PPP2R2D: variants seen among roughly 807,000 people sequenced by gnomAD.
PPP2R2D encodes the protein serine/threonine-protein phosphatase 2A 55 kDa regulatory subunit B delta isoform.
Under a neutral mutation model 31.1 loss-of-function variants are expected in PPP2R2D, and 9 were observed. The observed-to-expected ratio is 0.29, with a 90% CI of 0.17 to 0.51. The LOEUF is 0.51. Among genes scored for constraint, PPP2R2D ranks in the 20% least tolerant of loss-of-function variants. PPP2R2D has a pLI of 0.98. For missense variants in PPP2R2D, 391 were observed against 465.6 expected (o/e 0.84, Z 1.48); for synonymous variants, 179 against 172.6 (o/e 1.04, Z -0.29).
chr10:131,905,271 G>T (rs1355175275), intron 2 of PPP2R2D, among the ~76,000 whole-genome samples: 5 of 152,202 alleles, frequency 3.3e-5, no homozygotes, highest in African/African-American at 1.2e-4. Flanking sequence ...GAAGCAAGTA[G>T]AAAAGTTGTT....
downstream of PPP2R2D, among the ~76,000 whole-genome samples, chr10:131,964,582 TG>T (rs1171889611): frequency 7.2e-5 from 11 of 152,000 alleles, no homozygotes; most frequent in Non-Finnish European, 1.5e-4. Context: ...TGTCATTACG[TG>T]TAACATCACA....
At chr10:131,917,633 TCAGGCGGGTGGAATGACACAG>T (rs2035841312) in intron 2 of PPP2R2D, among the ~76,000 whole-genome samples, 1 of 120,358 alleles carries the variant, frequency 8.3e-6, no homozygotes, top group African/African-American at 3.3e-5. Context: ...TGTAGGGACC[TCAGGCGGGTGGAATGACACAG>T]TGTAGGGACC....
chr10:131,927,314 G>A (rs1441905321), intron 2 of PPP2R2D, among the ~76,000 whole-genome samples: 1 of 152,144 alleles, frequency 6.6e-6, no homozygotes, highest in Non-Finnish European at 1.5e-5. Flanking sequence ...ACAACAGAGA[G>A]CCCCCATGGA....
At chr10:131,910,965 T>G (rs1330484838) in intron 2 of PPP2R2D, among the ~76,000 whole-genome samples, 1 of 152,180 alleles carries the variant, frequency 6.6e-6, no homozygotes, top group Non-Finnish European at 1.5e-5. Flanking sequence ...GGGAGCTCTG[T>G]GTCTCAGCCC....
At chr10:131,953,144 C>T (rs1306240181) in intron 8 of PPP2R2D, among the ~76,000 whole-genome samples, 3 of 82,490 alleles carry the variant, frequency 3.6e-5, no homozygotes, top group African/African-American at 1.0e-4. Context: ...TGCAGGTTTG[C>T]GGGGGTTCAC....
chr10:131,917,416 T>G (rs1296683110), intron 2 of PPP2R2D, among the ~76,000 whole-genome samples: 2 of 86,206 alleles, frequency 2.3e-5, no homozygotes, highest in Admixed American at 1.4e-4. Flanking sequence ...ATGACAGTGT[T>G]TGTAGGGACC....
At chr10:131,942,975 A>G (rs1370613140) in intron 5 of PPP2R2D, among the ~76,000 whole-genome samples, 1 of 152,228 alleles carries the variant, frequency 6.6e-6, no homozygotes, top group Non-Finnish European at 1.5e-5. Context: ...TCAGCCAGAC[A>G]AGACTCAGTT....
chr10:131,906,870 G>A (rs2035596362), intron 2 of PPP2R2D, among the ~76,000 whole-genome samples: 1 of 151,972 alleles, frequency 6.6e-6, no homozygotes, highest in South Asian at 2.1e-4. Flanking sequence ...GAGCCAGGGA[G>A]GTTGAGGCTG....
intron 2 of PPP2R2D, among the ~76,000 whole-genome samples, chr10:131,932,560 A>G (rs1182437723): frequency 2.0e-5 from 3 of 148,100 alleles, no homozygotes; most frequent in Non-Finnish European, 4.4e-5. Context: ...CCGGCGACGC[A>G]GGAGGCTGAG....
intron 3 of PPP2R2D, 171 bp from the exon 4 acceptor site, chr10:131,939,860 A>G (rs1364645318): frequency 2.5e-6 from 1 of 398,452 alleles, no homozygotes; most frequent in Non-Finnish European, 4.5e-6. Flanking sequence ...TCGGAAATCA[A>G]GTTCGTTCTT....
At chr10:131,924,014 C>G (rs568435004) in intron 2 of PPP2R2D, among the ~76,000 whole-genome samples, 3 of 152,100 alleles carry the variant, frequency 2.0e-5, no homozygotes, top group Non-Finnish European at 4.4e-5. Context: ...CCACCGTGCC[C>G]GGGCCTTTCT....
intron 2 of PPP2R2D, among the ~76,000 whole-genome samples, chr10:131,923,221 AATGGAGTC>A (rs1554894466): frequency 6.6e-6 from 1 of 152,196 alleles, no homozygotes; most frequent in Admixed American, 6.5e-5. Context: ...GTGTCATGTA[AATGGAGTC>A]ATGGCCCACG....
At chr10:131,926,040 C>T (rs2036098926) in intron 2 of PPP2R2D, among the ~76,000 whole-genome samples, 1 of 152,150 alleles carries the variant, frequency 6.6e-6, no homozygotes, top group South Asian at 2.1e-4. Context: ...AGGCGACTTC[C>T]CCCACCCCAT....
At chr10:131,971,353 C>A in the PPP2R2D span, 1 of 247,178 alleles carries the variant, frequency 4.0e-6, no homozygotes, top group Non-Finnish European at 7.9e-6. Flanking sequence ...ATGAAAACAG[C>A]CGAAAACGGC....
intron 5 of PPP2R2D, among the ~76,000 whole-genome samples, chr10:131,943,430 G>A (rs1187325191): frequency 1.3e-5 from 2 of 152,172 alleles, no homozygotes; most frequent in Non-Finnish European, 2.9e-5. Flanking sequence ...TGCCCATGTA[G>A]CCAGCCCCAG....
In PPP2R2D at chr10:131,959,396, C is replaced by T. The variant is rs976214439; in HGVS notation, c.*3433C>T. 1.4e-5 allele frequency: 2 copies of T among 144,924 alleles called. No individual in the cohort carries two copies. Among genetic ancestry groups the T allele is most frequent in the African/African-American group, 5.3e-5 (2 of 37,942 alleles). The allele number at this position is 144,924 out of a possible 1,614,324, so 9.0% of individuals were successfully genotyped here. ...AGGCGTGTGCTGATCCGCCATCCCA[C>T]TGTGGAGATGAAGGTGTGTGCTGAT... is the stretch of plus-strand genomic sequence containing the variant. On this transcript the variant is annotated 3_prime_UTR_variant, in exon 9 of 9. Coordinates refer to ENST00000455566, the MANE Select transcript of PPP2R2D (RefSeq NM_018461.5).
intron 3 of PPP2R2D, among the ~76,000 whole-genome samples, chr10:131,936,472 T>A (rs1554896507): frequency 6.6e-6 from 1 of 152,210 alleles, no homozygotes; most frequent in East Asian, 1.9e-4. Flanking sequence ...AACAAATTGT[T>A]GAGTCATGGC....
intron 3 of PPP2R2D, among the ~76,000 whole-genome samples, chr10:131,938,737 C>T (rs770389246): frequency 3.3e-5 from 5 of 152,258 alleles, no homozygotes; most frequent in African/African-American, 1.2e-4. Flanking sequence ...TGTGCTGGCT[C>T]ATTTATCTCA....
chr10:131,932,106 G>T (rs192834237), intron 2 of PPP2R2D, among the ~76,000 whole-genome samples: 1 of 152,218 alleles, frequency 6.6e-6, no homozygotes, highest in South Asian at 2.1e-4. Context: ...CATGTTCGGC[G>T]GGAGGTCTGA....
Sources: allele counts gnomAD v4.1 joint callset (sites outside exome capture counted in the v4.1 genomes callset), GRCh38; gene constraint gnomAD v4.1.1; transcripts MANE v1.5; gene names NCBI Gene and HGNC (gene_info 2026-07-23, HGNC 2026-07-21).